The following OR51B5 variants were observed in gnomAD, a reference collection of about 807,000 sequenced individuals.
The protein encoded by OR51B5 is olfactory receptor family 51 subfamily B member 5.
For missense variants in OR51B5, 456 were observed against 374.6 expected, an observed-to-expected ratio of 1.22 and a Z score of -1.79; for synonymous variants, 186 against 144.8, an observed-to-expected ratio of 1.28 and a Z score of -2.04.
intron 1 of OR51B5, among the ~76,000 whole-genome samples, chr11:5,411,440 A>C (rs1315060810): frequency 6.6e-6 from 1 of 150,668 alleles, no homozygotes; most frequent in Admixed American, 6.7e-5. Flanking sequence ...GACTAACAAC[A>C]CATATCTCAG....
intron 1 of OR51B5, among the ~76,000 whole-genome samples, chr11:5,486,821 C>A (rs1851505987): frequency 6.6e-6 from 1 of 152,010 alleles, no homozygotes; most frequent in Non-Finnish European, 1.5e-5. Flanking sequence ...CATCAGTTAT[C>A]TTTACTGCAG....
At chr11:5,369,088 G>A (rs1198600194) in intron 1 of OR51B5, among the ~76,000 whole-genome samples, 4 of 152,092 alleles carry the variant, frequency 2.6e-5, no homozygotes, top group Non-Finnish European at 4.4e-5. Flanking sequence ...TAGGGTGGTT[G>A]GGCCACCTAG....
At chr11:5,478,701 C>T (rs1447612428) in intron 1 of OR51B5, among the ~76,000 whole-genome samples, 1 of 151,516 alleles carries the variant, frequency 6.6e-6, no homozygotes, top group Non-Finnish European at 1.5e-5. Context: ...GGCTCAAGAA[C>T]TACGTGAAGA....
At chr11:5,458,752 C>T (rs1048326466) in intron 1 of OR51B5, among the ~76,000 whole-genome samples, 2 of 152,122 alleles carry the variant, frequency 1.3e-5, no homozygotes, top group Admixed American at 1.3e-4. Context: ...ATGTGGCTCT[C>T]AACTTGGATG....
chr11:5,352,265 T>C (rs1231903236), intron 1 of OR51B5: 1 of 1,614,212 alleles, frequency 6.2e-7, no homozygotes, highest in African/African-American at 1.3e-5. Flanking sequence ...TATGTCACTG[T>C]AGTTTGTCTG....
chr11:5,389,475 TCA>T (rs1242914813), intron 1 of OR51B5: 1 of 1,613,882 alleles, frequency 6.2e-7, no homozygotes, highest in African/African-American at 1.3e-5. Flanking sequence ...ATATTCTATC[TCA>T]CCAGCTTTCC....
intron 1 of OR51B5, among the ~76,000 whole-genome samples, chr11:5,443,827 G>C (rs1467996761): frequency 1.3e-5 from 2 of 151,968 alleles, no homozygotes; most frequent in East Asian, 1.9e-4. Flanking sequence ...AGGTCAAGAA[G>C]GTGGAGAGAC....
intron 1 of OR51B5, among the ~76,000 whole-genome samples, chr11:5,414,177 A>C (rs1177411297): frequency 6.6e-6 from 1 of 151,934 alleles, no homozygotes; most frequent in African/African-American, 2.4e-5. Context: ...ATATCCAGCC[A>C]AACTAAGCTT....
In OR51B5 at chr11:5,497,035, C is replaced by A. The variant is rs1348537962; in HGVS notation, n.84+8534G>T. 1.0e-4 allele frequency among the ~76,000 whole-genome samples: 6 copies of A among 59,184 alleles called. No individual in the cohort carries two copies. The Admixed American group carries it at 1.4e-3, about 14-fold the overall frequency. The allele number at this position is 59,184 out of a possible 152,430, so 38.8% of individuals were successfully genotyped here. A position where few individuals can be genotyped will look rare whatever the true frequency, so the allele number is the denominator to read the frequency against. On this transcript the variant is annotated intron_variant and non_coding_transcript_variant, in intron 1 of 4. Coordinates refer to the OR51B5 transcript ENST00000415970. The stretch of plus-strand genomic sequence containing the variant: ...ATCCCATCCACAGAAGATGGTGAAT[C>A]AATGTTTAAAAAAAAAAAAAAAAAA...
intron 1 of OR51B5, among the ~76,000 whole-genome samples, chr11:5,491,654 A>T (rs1851582090): frequency 6.6e-6 from 1 of 152,232 alleles, no homozygotes; most frequent in African/African-American, 2.4e-5. Flanking sequence ...GCTCCACTGA[A>T]ATAGTGATGG....
At chr11:5,436,097 A>G (rs550801121) in intron 1 of OR51B5, among the ~76,000 whole-genome samples, 71 of 152,296 alleles carry the variant, frequency 4.7e-4, no homozygotes, top group Non-Finnish European at 7.5e-4. Flanking sequence ...TAGGAGTTAA[A>G]CTGACTGCAT....
At chr11:5,464,517 A>G (rs1398241701) in intron 1 of OR51B5, among the ~76,000 whole-genome samples, 1 of 143,678 alleles carries the variant, frequency 7.0e-6, no homozygotes, top group Non-Finnish European at 1.5e-5. Flanking sequence ...GTTCCCACCT[A>G]TGAGTGAGAA....
chr11:5,455,460 G>C (rs1167658079), intron 1 of OR51B5: 5 of 150,398 alleles, frequency 3.3e-5, no homozygotes, highest in Non-Finnish European at 7.4e-5. Flanking sequence ...CCAGAGGTAG[G>C]ATATAGTAAG....
rs77398385 is a variant in OR51B5 at position 5,386,389 on chromosome 11, A to G, written n.85-39479T>C. On this transcript the variant is annotated intron_variant and non_coding_transcript_variant, in intron 1 of 4. Transcript: ENST00000415970. Reference sequence around the variant, plus strand: ...CTTATCCTGATTTTCGCTCACTACCAGGCCTTGGGATGATTGTTTACCTTT... The same window carrying G: ...CTTATCCTGATTTTCGCTCACTACCGGGCCTTGGGATGATTGTTTACCTTT... Among the ~76,000 whole-genome samples the G allele has an allele frequency of 2.5e-3, 382 of 152,300 alleles. 1 individual carries two copies. The highest frequency in any genetic ancestry group is 3.8e-3 in the Non-Finnish European group (258 of 68,028).
intron 1 of OR51B5, chr11:5,454,610 C>T: frequency 2.0e-6 from 1 of 496,682 alleles, no homozygotes; most frequent in Non-Finnish European, 3.5e-6. Flanking sequence ...TCACTAAATA[C>T]CAACAGTATT....
chr11:5,400,918 C>T (rs1020910208), intron 1 of OR51B5, among the ~76,000 whole-genome samples: 1 of 152,180 alleles, frequency 6.6e-6, no homozygotes, highest in African/African-American at 2.4e-5. Context: ...AAAGTTCATA[C>T]AAGAATCAGA....
At chr11:5,478,921 A>C (rs1851364737) in intron 1 of OR51B5, among the ~76,000 whole-genome samples, 1 of 151,170 alleles carries the variant, frequency 6.6e-6, no homozygotes, top group Non-Finnish European at 1.5e-5. Flanking sequence ...AATGGAACCA[A>C]GTTGGAAAAC....
At chr11:5,455,012 T>G (rs1850929272) in intron 1 of OR51B5, 1 of 152,384 alleles carries the variant, frequency 6.6e-6, no homozygotes, top group South Asian at 2.1e-4. Context: ...TCTCAAACAC[T>G]CATACATTGC....
intron 1 of OR51B5, among the ~76,000 whole-genome samples, chr11:5,487,204 T>A (rs1352113945): frequency 6.6e-6 from 1 of 152,162 alleles, no homozygotes; most frequent in Non-Finnish European, 1.5e-5. Context: ...TTTCATTGGT[T>A]AGGGATGTAA....
Sources: gnomAD v4.1 joint callset for allele counts (sites outside exome capture counted in the v4.1 genomes callset) on GRCh38, gnomAD v4.1.1 for gene constraint, MANE v1.5 for transcripts, NCBI Gene and HGNC (gene_info 2026-07-23, HGNC 2026-07-21) for gene names.